COX7B2: variants seen among roughly 807,000 people sequenced by gnomAD.
COX7B2 encodes the protein cytochrome c oxidase subunit 7B2, mitochondrial.
For missense variants in COX7B2, 109 were observed against 95.9 expected (o/e 1.14, Z -0.57); for synonymous variants, 37 against 32.1 (o/e 1.15, Z -0.51).
At chr4:46,799,067 C>T (rs1454547928) in intron 2 of COX7B2, among the ~76,000 whole-genome samples, 1 of 152,138 alleles carries the variant, frequency 6.6e-6, no homozygotes, top group Non-Finnish European at 1.5e-5. Flanking sequence ...CAAACTTCAC[C>T]TTCAGAAGCT....
chr4:46,903,562 C>T (rs1299464341), intron 1 of COX7B2, among the ~76,000 whole-genome samples: 1 of 152,114 alleles, frequency 6.6e-6, no homozygotes, highest in East Asian at 1.9e-4. Flanking sequence ...TTACTCACTA[C>T]TCACTCACTG....
intron 2 of COX7B2, among the ~76,000 whole-genome samples, chr4:46,788,759 A>G (rs1225833033): frequency 6.6e-6 from 1 of 152,238 alleles, no homozygotes; most frequent in Non-Finnish European, 1.5e-5. Context: ...TTCCAGATTA[A>G]TGAAATGCTA....
chr4:46,804,305 G>A (rs917891908), intron 2 of COX7B2, among the ~76,000 whole-genome samples: 1 of 152,174 alleles, frequency 6.6e-6, no homozygotes, highest in Non-Finnish European at 1.5e-5. Flanking sequence ...CCACGGTACG[G>A]AAAGGGACCC....
intron 2 of COX7B2, among the ~76,000 whole-genome samples, chr4:46,832,458 T>A (rs1715209236): frequency 6.6e-6 from 1 of 152,156 alleles, no homozygotes; most frequent in Non-Finnish European, 1.5e-5. Flanking sequence ...AAGTTAAAAG[T>A]GTCACATATT....
chr4:46,894,552 C>T (rs1406422706), intron 1 of COX7B2, among the ~76,000 whole-genome samples: 1 of 152,040 alleles, frequency 6.6e-6, no homozygotes, highest in Non-Finnish European at 1.5e-5. Context: ...ACAACCTAGG[C>T]AATACCATCC....
At chr4:46,811,184 C>A (rs773978430) in intron 2 of COX7B2, among the ~76,000 whole-genome samples, 3 of 152,094 alleles carry the variant, frequency 2.0e-5, no homozygotes, top group Admixed American at 6.5e-5. Context: ...ATCTGGATGT[C>A]CATATCTCTT....
chr4:46,866,192 A>G (rs1717652156), intron 1 of COX7B2, among the ~76,000 whole-genome samples: 2 of 152,334 alleles, frequency 1.3e-5, no homozygotes, highest in Admixed American at 1.3e-4. Context: ...AGAAAAAGCA[A>G]CTGCCTGATT....
At chr4:46,855,487 T>C (rs973809857) in intron 1 of COX7B2, among the ~76,000 whole-genome samples, 2 of 152,110 alleles carry the variant, frequency 1.3e-5, no homozygotes, top group Admixed American at 6.6e-5. Flanking sequence ...GAGAAAAGTA[T>C]ACAGGGAGAA....
chr4:46,786,266 T>C (rs1009379437), intron 2 of COX7B2, among the ~76,000 whole-genome samples: 1 of 152,220 alleles, frequency 6.6e-6, no homozygotes, highest in African/African-American at 2.4e-5. Flanking sequence ...CATCTTCTCA[T>C]GTTAATATCA....
At chr4:46,789,045 T>C (rs1026573458) in intron 2 of COX7B2, among the ~76,000 whole-genome samples, 10 of 152,200 alleles carry the variant, frequency 6.6e-5, no homozygotes, top group Non-Finnish European at 1.0e-4. Context: ...ATTTTGTTTC[T>C]GAACTTCACA....
At position 46,821,496 on chromosome 4, in the gene COX7B2, T is replaced by G. The variant is rs190540182; in HGVS notation, c.-50+23464A>C. Among the ~76,000 whole-genome samples the G allele has an allele frequency of 3.3e-5, 5 of 152,330 alleles. No individual in the cohort carries two copies. In the East Asian group the frequency reaches 7.7e-4, roughly 24 times the overall value. ...CTATGCAGCAGTGTGTTCAGTGATA[T>G]AAGAACTAGATACAGAATGTGACAG... On this transcript the variant is annotated intron_variant, in intron 2 of 2. Coordinates refer to ENST00000355591, the MANE Select transcript of COX7B2 (RefSeq NM_130902.3).
In COX7B2 at chr4:46,735,021, C is replaced by T; in HGVS notation, c.172G>A (p.Ala58Thr). 6.2e-7 allele frequency: 1 copy of T among 1,613,966 alleles called. No homozygotes were observed. Among genetic ancestry groups the T allele is most frequent in the Non-Finnish European group, 8.5e-7 (1 of 1,179,868 alleles). Residue 58 changes from alanine to threonine, a missense_variant, in exon 3 of 3, where the codon GCC becomes ACC. Physicochemically the swap from Ala to Thr is moderately conservative, Grantham distance 58. Coordinates refer to ENST00000355591, the MANE Select transcript of COX7B2 (RefSeq NM_130902.3). ...TTCCATTCTATTCCAATCTGAGTGG[C>T]TGTAAACACCCATGTAGCAACACAG... ...AFCVATWVFTATQIGIEWNLS... is the reference protein window; with the variant it reads ...AFCVATWVFTTTQIGIEWNLS...
intron 2 of COX7B2, among the ~76,000 whole-genome samples, chr4:46,777,896 CATGAT>C (rs1717246362): frequency 6.6e-6 from 1 of 152,106 alleles, no homozygotes; most frequent in African/African-American, 2.4e-5. Context: ...GACCAAATAA[CATGAT>C]ATATCTATCT....
chr4:46,758,203 C>G (rs1184572360), intron 2 of COX7B2, among the ~76,000 whole-genome samples: 2 of 151,998 alleles, frequency 1.3e-5, no homozygotes, highest in Non-Finnish European at 2.9e-5. Flanking sequence ...TTTATTCAAT[C>G]AGAATTCTGT....
intron 1 of COX7B2, among the ~76,000 whole-genome samples, chr4:46,861,536 G>A (rs1717334411): frequency 6.6e-6 from 1 of 152,140 alleles, no homozygotes; most frequent in Admixed American, 6.6e-5. Context: ...TTAAAAAAAA[G>A]AAACTCATTT....
intron 2 of COX7B2, among the ~76,000 whole-genome samples, chr4:46,777,919 G>A (rs578199620): frequency 9.9e-5 from 15 of 152,156 alleles, no homozygotes; most frequent in Middle Eastern, 6.8e-3. Context: ...TCTTCTCCCA[G>A]GAAAATATAA....
intron 2 of COX7B2, among the ~76,000 whole-genome samples, chr4:46,844,035 A>G (rs1716111303): frequency 6.6e-6 from 1 of 151,982 alleles, no homozygotes; most frequent in Non-Finnish European, 1.5e-5. Flanking sequence ...TCTGGCTTGT[A>G]AGGAAATATC....
chr4:46,873,146 A>G (rs1305296112), intron 1 of COX7B2, among the ~76,000 whole-genome samples: 2 of 152,204 alleles, frequency 1.3e-5, no homozygotes, highest in African/African-American at 2.4e-5. Flanking sequence ...TGCAAAGGAC[A>G]TGAACTCATC....
rs185722672 is a variant in COX7B2, at chr4:46,793,310, G to A, written c.-50+51650C>T. On this transcript the variant is annotated intron_variant, in intron 2 of 2. Coordinates refer to ENST00000355591, the MANE Select transcript of COX7B2 (RefSeq NM_130902.3). ...TTCCCGGCTGGATGGGGGTTATCTC[G>A]GGGCTAGCATGTCTCTGGTTGGGGA... 1.3e-3 allele frequency among the ~76,000 whole-genome samples: 198 copies of A among 152,184 alleles called. 1 individual carries two copies. The highest frequency in any genetic ancestry group is 4.5e-3 in the African/African-American group (186 of 41,516).
Sources: allele counts gnomAD v4.1 joint callset (sites outside exome capture counted in the v4.1 genomes callset), GRCh38; gene constraint gnomAD v4.1.1; transcripts MANE v1.5; gene names NCBI Gene and HGNC (gene_info 2026-07-23, HGNC 2026-07-21).